The following DPP4 variants were observed in gnomAD, a reference collection of about 807,000 sequenced individuals.
The protein encoded by DPP4 is dipeptidyl peptidase 4.
In DPP4, 93 loss-of-function variants were observed where a neutral mutation model predicts 122.4. The ratio of observed to expected loss-of-function variants is 0.76; its 90% confidence interval spans 0.64 to 0.90. The LOEUF (loss-of-function observed/expected upper bound fraction) is 0.90. Ranked by LOEUF, DPP4 falls within the 40% of genes least tolerant of loss-of-function variation. DPP4 has a pLI of 0.00. For missense variants in DPP4, 914 were observed against 907.3 expected (o/e 1.01, Z -0.09); for synonymous variants, 321 against 302.9 (o/e 1.06, Z -0.62).
At position 162,035,250 on chromosome 2, in the gene DPP4, C is replaced by G; in HGVS notation, c.688G>C (p.Asp230His). The change falls in exon 9 of 26, where the codon GAC becomes CAC. Residue 230 changes from aspartate (D) to histidine (H), a missense_variant. Coordinates refer to ENST00000360534, the MANE Select transcript of DPP4 (RefSeq NM_001935.4). ...GTFLAYAQFN[D>H]TEVPLIEYSF... ...TATTCAATAAGTGGGACTTCTGTGT[C>G]GTTAAATTGGGCATATGCTAAAAAA... is the stretch of plus-strand genomic sequence containing the variant. The G allele has an allele frequency of 1.2e-6, 2 of 1,613,972 alleles. No individual in the cohort carries two copies. The highest frequency in any genetic ancestry group is 1.7e-6 in the Non-Finnish European group (2 of 1,179,966).
chr2:162,009,308 G>A lies in DPP4; in HGVS notation c.1833-13C>T, dbSNP rs200871924. ...TTTTGAAAATTGTCTAAAACACAAG[G>A]AAAAAGTCCACAGATCAGTACTGCA... On this transcript the variant is annotated splice_polypyrimidine_tract_variant and intron_variant, in intron 20 of 25. Coordinates refer to ENST00000360534, the MANE Select transcript of DPP4 (RefSeq NM_001935.4). 690 of 1,613,228 alleles carry A rather than the reference G, an allele frequency of 4.3e-4. No individual in the cohort carries two copies. Among genetic ancestry groups the A allele is most frequent in the Non-Finnish European group, 5.5e-4 (648 of 1,179,350 alleles).
Position 162,020,274 on chromosome 2 carries a change from C to G in DPP4, c.1199G>C (p.Gly400Ala). The G allele has an allele frequency of 6.2e-7, 1 of 1,601,516 alleles. No individual in the cohort carries two copies. The highest frequency in any genetic ancestry group is 8.5e-7 in the Non-Finnish European group (1 of 1,176,074). ...DKKDCTFITK[G>A]TWEVIGIEAL... The stretch of plus-strand genomic sequence containing the variant: ...TTCTATCCCGATGACTTCCCAGGTG[C>G]CTTTTGTAATAAATGTGCAGTCCTG... The change falls in exon 14 of 26, where the codon GGC (glycine) becomes GCC (alanine). Residue 400 changes from glycine (G) to alanine (A), a missense_variant. Coordinates refer to ENST00000360534, the MANE Select transcript of DPP4 (RefSeq NM_001935.4).
intron 13 of DPP4, 86 bp from the exon 14 acceptor site, chr2:162,020,382 A>G: frequency 2.5e-6 from 3 of 1,206,206 alleles, no homozygotes; most frequent in Non-Finnish European, 2.3e-6. Flanking sequence ...AATCATTTAT[A>G]TCAGGAATTC....
intron 10 of DPP4, among the ~76,000 whole-genome samples, chr2:162,029,419 C>G (rs1378871818): frequency 6.6e-6 from 1 of 152,224 alleles, no homozygotes; most frequent in Non-Finnish European, 1.5e-5. Context: ...CCACCCTCTG[C>G]TCTGATGGGG....
At chr2:162,044,395 T>C (rs1214758231) in intron 5 of DPP4, among the ~76,000 whole-genome samples, 1 of 151,640 alleles carries the variant, frequency 6.6e-6, no homozygotes, top group Non-Finnish European at 1.5e-5. Flanking sequence ...TACAGCAGTG[T>C]TGGTGTGTGA....
chr2:162,067,892 G>A (rs1684999085), intron 2 of DPP4, among the ~76,000 whole-genome samples: 2 of 152,170 alleles, frequency 1.3e-5, no homozygotes, highest in African/African-American at 2.4e-5. Flanking sequence ...AGCCATTCAT[G>A]GGAACCAGCA....
intron 19 of DPP4, among the ~76,000 whole-genome samples, chr2:162,012,731 T>C (rs546317119): frequency 6.6e-6 from 1 of 152,080 alleles, no homozygotes; most frequent in African/African-American, 2.4e-5. Flanking sequence ...GAGCTCCTTA[T>C]AGCTCATCTC....
Position 161,993,081 on chromosome 2 carries a change from T to A in DPP4, c.*202A>T, listed in dbSNP as rs201658522. On this transcript the variant is annotated 3_prime_UTR_variant, in exon 26 of 26. Coordinates refer to ENST00000360534, the MANE Select transcript of DPP4 (RefSeq NM_001935.4). ...TAAAACCCGACCGGATAATTCAAAC[T>A]TCTGTAAGGTAATAATCTGTTGTGA... 1.1e-5 allele frequency: 5 copies of A among 463,844 alleles called. No homozygotes were observed. Among genetic ancestry groups the A allele is most frequent in the Non-Finnish European group, 1.9e-5 (5 of 257,104 alleles). 28.7% of individuals were successfully genotyped at this position (463,844 alleles called of 1,614,324 possible).
chr2:162,068,806 AG>A (rs1352066429), intron 2 of DPP4, among the ~76,000 whole-genome samples: 2 of 152,338 alleles, frequency 1.3e-5, no homozygotes, highest in Admixed American at 1.3e-4. Context: ...ATAGGAATGA[AG>A]GCATCCACAG....
At chr2:162,028,602 A>G (rs1683431100) in intron 10 of DPP4, among the ~76,000 whole-genome samples, 1 of 152,192 alleles carries the variant, frequency 6.6e-6, no homozygotes, top group Non-Finnish European at 1.5e-5. Context: ...CAACTTACCC[A>G]GGTTAGACAT....
At chr2:162,008,438 C>A in intron 22 of DPP4, 124 bp downstream of exon 22, 2 of 755,352 alleles carry the variant, frequency 2.6e-6, no homozygotes, top group Admixed American at 2.3e-5. Flanking sequence ...CCAAAAAGAA[C>A]CTCTAAGATG....
intron 4 of DPP4, 93 bp from the exon 5 acceptor site, chr2:162,045,705 G>T: frequency 2.2e-6 from 2 of 897,042 alleles, no homozygotes; most frequent in East Asian, 2.5e-5. Context: ...TTCTAGACAT[G>T]TGGCTTGTGC....
chr2:162,048,031 C>T (rs1684250917), intron 2 of DPP4, among the ~76,000 whole-genome samples: 1 of 151,988 alleles, frequency 6.6e-6, no homozygotes, highest in Non-Finnish European at 1.5e-5. Flanking sequence ...TATGTGTGGC[C>T]AGGTGTTCAA....
Position 162,020,622 on chromosome 2 carries a change from C to A in DPP4, c.1135G>T (p.Glu379Ter), listed in dbSNP as rs1683090962. Reference sequence around the variant, plus strand: ...AAATAGCAAATGTGTCTGTAACCTTCTTCATTGCTGATGATCTTGTAGAAG... The same window carrying A: ...AAATAGCAAATGTGTCTGTAACCTTATTCATTGCTGATGATCTTGTAGAAG... ...NSFYKIISNE[E>*]GYRHICYFQI... Residue 379 changes from glutamate (E) to a stop codon, truncating the protein, a stop_gained, in exon 13 of 26, where the codon GAA becomes TAA. Coordinates refer to ENST00000360534, the MANE Select transcript of DPP4 (RefSeq NM_001935.4). LOFTEE classifies it high-confidence loss of function. 6.2e-7 allele frequency: 1 copy of A among 1,612,474 alleles called. No homozygotes were observed. Among genetic ancestry groups the A allele is most frequent in the Non-Finnish European group, 8.5e-7 (1 of 1,179,674 alleles).
At chr2:162,057,886 T>C (rs1421638141) in intron 2 of DPP4, among the ~76,000 whole-genome samples, 3 of 152,122 alleles carry the variant, frequency 2.0e-5, no homozygotes, top group Admixed American at 6.5e-5. Context: ...GATTTTTCTG[T>C]CTCATCCTCC....
chr2:162,020,262 A>C lies in DPP4; in HGVS notation c.1211T>G (p.Val404Gly), dbSNP rs199887205. ...ACTGGTTAGAGCTTCTATCCCGATGACTTCCCAGGTGCCTTTTGTAATAAA... is the reference window on the plus strand; with the variant it reads ...ACTGGTTAGAGCTTCTATCCCGATGCCTTCCCAGGTGCCTTTTGTAATAAA... ...CTFITKGTWE[V>G]IGIEALTSDY... Residue 404 changes from valine to glycine, a missense_variant, in exon 14 of 26, where the codon GTC becomes GGC. Physicochemically the swap from Val to Gly is moderately radical, Grantham distance 109. Coordinates refer to ENST00000360534, the MANE Select transcript of DPP4 (RefSeq NM_001935.4). 212 of 1,606,074 alleles carry C rather than the reference A, an allele frequency of 1.3e-4. No individual in the cohort carries two copies. The highest frequency in any genetic ancestry group is 1.8e-4 in the Non-Finnish European group (210 of 1,178,046).
intron 2 of DPP4, among the ~76,000 whole-genome samples, chr2:162,058,952 G>T (rs1275397203): frequency 6.6e-6 from 1 of 152,206 alleles, no homozygotes; most frequent in Non-Finnish European, 1.5e-5. Flanking sequence ...TGTTGAGACT[G>T]AAACTCCAAT....
chr2:162,020,256 C>T lies in DPP4; in HGVS notation c.1217G>A (p.Gly406Glu), dbSNP rs200764195. Residue 406 changes from glycine to glutamate, a missense_variant, in exon 14 of 26, where the codon GGG becomes GAG. Physicochemically the swap from Gly to Glu is moderately conservative, Grantham distance 98. Coordinates refer to ENST00000360534, the MANE Select transcript of DPP4 (RefSeq NM_001935.4). ...ATAATCACTGGTTAGAGCTTCTATC[C>T]CGATGACTTCCCAGGTGCCTTTTGT... ...FITKGTWEVI[G>E]IEALTSDYLY... 42 of 1,611,294 alleles carry T rather than the reference C, an allele frequency of 2.6e-5. No individual in the cohort carries two copies. Among genetic ancestry groups the T allele is most frequent in the Non-Finnish European group, 3.4e-5 (40 of 1,179,494 alleles).
chr2:162,062,568 T>C (rs1211565970), intron 2 of DPP4, among the ~76,000 whole-genome samples: 1 of 152,194 alleles, frequency 6.6e-6, no homozygotes, highest in Non-Finnish European at 1.5e-5. Flanking sequence ...ATTCAGTTCA[T>C]TGAGGTTGTG....
Sources: allele counts gnomAD v4.1 joint callset (sites outside exome capture counted in the v4.1 genomes callset), GRCh38; gene constraint gnomAD v4.1.1; transcripts MANE v1.5; gene names NCBI Gene and HGNC (gene_info 2026-07-23, HGNC 2026-07-21).